The following ANKRD6 variants were observed in gnomAD, a reference collection of about 807,000 sequenced individuals.
ANKRD6 encodes the protein ankyrin repeat domain-containing protein 6.
A neutral mutation model predicts 82.3 loss-of-function variants in ANKRD6; 56 were observed. The observed-to-expected ratio is 0.68, with a 90% CI of 0.55 to 0.85. The LOEUF is 0.85. Among genes scored for constraint, ANKRD6 ranks in the 40% least tolerant of loss-of-function variants. ANKRD6 has a pLI of 0.00. For synonymous variants in ANKRD6, 347 were observed against 352.1 expected (o/e 0.99, Z 0.16); for missense variants, 852 against 907.6 (o/e 0.94, Z 0.79).
intron 3 of ANKRD6, chr6:89,598,559 C>A: frequency 4.1e-6 from 1 of 246,494 alleles, no homozygotes; most frequent in Non-Finnish European, 6.5e-6. Flanking sequence ...AATCTGCCAA[C>A]ACTACACTCA....
At chr6:89,522,535 A>G (rs1308532859) in intron 1 of ANKRD6, among the ~76,000 whole-genome samples, 3 of 152,212 alleles carry the variant, frequency 2.0e-5, no homozygotes, top group Admixed American at 6.5e-5. Context: ...TGACAGGCCA[A>G]AAAAGAAACA....
intron 13 of ANKRD6, among the ~76,000 whole-genome samples, chr6:89,627,090 G>A (rs1197050682): frequency 6.6e-6 from 1 of 151,890 alleles, no homozygotes; most frequent in African/African-American, 2.4e-5. Context: ...TGTATTTACT[G>A]GATATTCAGA....
Position 89,612,327 on chromosome 6 carries a change from G to A in ANKRD6, c.473G>A (p.Arg158His), listed in dbSNP as rs1430229730. The A allele has an allele frequency of 6.4e-6, 10 of 1,565,534 alleles. No homozygotes were observed. The highest frequency in any genetic ancestry group is 4.7e-5 in the East Asian group (2 of 42,256). The change falls in exon 6 of 16, where the codon CGC becomes CAC. Residue 158 changes from arginine (R) to histidine (H), a missense_variant. By Grantham distance (29) the Arg-to-His change is conservative. Coordinates refer to ENST00000339746, the MANE Select transcript of ANKRD6 (RefSeq NM_001242809.2). ...CAGAACAGCCACTCCCAGAGCACGCGCGTCCTCCTGCTGGCCGGGTCCCGC... is the reference window on the plus strand; with the variant it reads ...CAGAACAGCCACTCCCAGAGCACGCACGTCCTCCTGCTGGCCGGGTCCCGC... ...ACQNSHSQST[R>H]VLLLAGSRAD...
At chr6:89,470,652 C>T (rs2127786367) in intron 1 of ANKRD6, among the ~76,000 whole-genome samples, 1 of 144,018 alleles carries the variant, frequency 6.9e-6, no homozygotes, top group East Asian at 2.1e-4. Flanking sequence ...TGTACTCCCC[C>T]TTTAAATGAG....
At chr6:89,468,469 C>T (rs1775085840) in intron 1 of ANKRD6, among the ~76,000 whole-genome samples, 1 of 151,842 alleles carries the variant, frequency 6.6e-6, no homozygotes. Context: ...CATTTTTTGT[C>T]TTAATTTTTC....
At chr6:89,505,674 A>G (rs1054415049) in intron 1 of ANKRD6, among the ~76,000 whole-genome samples, 2 of 152,240 alleles carry the variant, frequency 1.3e-5, no homozygotes, top group African/African-American at 4.8e-5. Context: ...ATGGAAAGCC[A>G]TATGGAGGTT....
At chr6:89,495,875 G>GT (rs943195387) in intron 1 of ANKRD6, among the ~76,000 whole-genome samples, 1 of 151,710 alleles carries the variant, frequency 6.6e-6, no homozygotes, top group Non-Finnish European at 1.5e-5. Context: ...TATTATCTCT[G>GT]TTTTTTTTAG....
intron 1 of ANKRD6, among the ~76,000 whole-genome samples, chr6:89,525,145 T>C (rs902828292): frequency 6.6e-6 from 1 of 151,998 alleles, no homozygotes; most frequent in Non-Finnish European, 1.5e-5. Flanking sequence ...AACACAAAAA[T>C]TAGCTGGGCC....
intron 1 of ANKRD6, among the ~76,000 whole-genome samples, chr6:89,453,742 T>C (rs1250083228): frequency 1.4e-5 from 2 of 142,748 alleles, no homozygotes; most frequent in Non-Finnish European, 3.0e-5. Context: ...ACCCAGCTAA[T>C]TTTTGTATTT....
chr6:89,548,738 G>A (rs958613282), intron 1 of ANKRD6, among the ~76,000 whole-genome samples: 1 of 152,198 alleles, frequency 6.6e-6, no homozygotes, highest in African/African-American at 2.4e-5. Context: ...TTGGAGCTTT[G>A]TTATTATTTT....
chr6:89,488,609 G>A (rs79694775), intron 1 of ANKRD6, among the ~76,000 whole-genome samples: 9,068 of 152,268 alleles, frequency 0.06, 288 homozygotes, highest in South Asian at 0.13. Context: ...GGCCCCCAGA[G>A]CTATGCTTAG....
At chr6:89,573,168 G>C (rs1269608111) in intron 2 of ANKRD6, among the ~76,000 whole-genome samples, 1 of 152,136 alleles carries the variant, frequency 6.6e-6, no homozygotes, top group Non-Finnish European at 1.5e-5. Context: ...TACTGCCTCA[G>C]CCTCCCAAAT....
intron 1 of ANKRD6, among the ~76,000 whole-genome samples, chr6:89,438,686 A>T (rs931915173): frequency 6.6e-6 from 1 of 152,116 alleles, no homozygotes; most frequent in African/African-American, 2.4e-5. Context: ...TCTGTTGCCT[A>T]GGCTGGAGTG....
chr6:89,575,997 T>C (rs1188723368), intron 2 of ANKRD6, among the ~76,000 whole-genome samples: 1 of 152,174 alleles, frequency 6.6e-6, no homozygotes, highest in African/African-American at 2.4e-5. Context: ...AATTTAAAAC[T>C]CATGTTTTAA....
intron 1 of ANKRD6, among the ~76,000 whole-genome samples, chr6:89,515,093 A>G (rs188817656): frequency 6.6e-6 from 1 of 152,220 alleles, no homozygotes; most frequent in East Asian, 1.9e-4. Context: ...ATCAGACCTT[A>G]ATTGGATACA....
Position 89,492,302 on chromosome 6 carries a change from G to A in ANKRD6, c.-144+58927G>A, listed in dbSNP as rs1436876072. Among the ~76,000 whole-genome samples the A allele has an allele frequency of 2.0e-5, 3 of 152,196 alleles. No homozygotes were observed. In the East Asian group the frequency reaches 5.8e-4, roughly 29 times the overall value. ...AGATACTGCTGGAAAGCATGTAGCT[G>A]ACCTGGTGCCTTTGTGATGGTTTGA... On this transcript the variant is annotated intron_variant, in intron 1 of 15. Transcript: ENST00000339746.
chr6:89,518,773 T>C (rs2127961484), intron 1 of ANKRD6, among the ~76,000 whole-genome samples: 1 of 152,334 alleles, frequency 6.6e-6, no homozygotes. Flanking sequence ...CACTGATCTT[T>C]ATCCTAGAGC....
chr6:89,531,378 AATGTTT>A (rs1227877140), intron 1 of ANKRD6, among the ~76,000 whole-genome samples: 1 of 152,212 alleles, frequency 6.6e-6, no homozygotes, highest in East Asian at 1.9e-4. Context: ...AAGTTTATAG[AATGTTT>A]TATCTCCCAT....
chr6:89,434,879 A>G (rs1770430102), intron 1 of ANKRD6, among the ~76,000 whole-genome samples: 1 of 152,200 alleles, frequency 6.6e-6, no homozygotes, highest in South Asian at 2.1e-4. Flanking sequence ...TCTAGGTCAT[A>G]CTGGACATGG....
Sources: gnomAD v4.1 joint callset for allele counts (sites outside exome capture counted in the v4.1 genomes callset) on GRCh38, gnomAD v4.1.1 for gene constraint, MANE v1.5 for transcripts, NCBI Gene and HGNC (gene_info 2026-07-23, HGNC 2026-07-21) for gene names.